Variants in PLCB4 observed in about 807,000 individuals in gnomAD.
PLCB4 encodes the protein phospholipase C beta 4.
A neutral mutation model predicts 178.8 loss-of-function variants in PLCB4; 77 were observed. The ratio of observed to expected loss-of-function variants is 0.43; its 90% CI spans 0.36 to 0.52. The LOEUF (loss-of-function observed/expected upper bound fraction) is 0.52. Ranked by LOEUF, PLCB4 falls within the 20% of genes least tolerant of loss-of-function variation. The probability of loss-of-function intolerance (pLI) is 0.00; values close to 1 mark genes in which losing one functional copy is unlikely to be tolerated. For missense variants in PLCB4, 1,024 were observed against 1,453.4 expected (o/e 0.70, Z 4.80); for synonymous variants, 496 against 490.8 (o/e 1.01, Z -0.14).
chr20:9,372,591 G>A (rs182252766), intron 11 of PLCB4, among the ~76,000 whole-genome samples, 188 bp downstream of exon 11: 21 of 152,088 alleles, frequency 1.4e-4, no homozygotes, highest in African/African-American at 3.4e-4. Flanking sequence ...AAACTTTTAC[G>A]TATATTAATT....
rs149984453 is a variant in PLCB4 at position 9,238,571 on chromosome 20, G to C, written c.-16+21119G>C. ...AAGGCCACCTTTCTGGGTGGCTGCT[G>C]TGTTGACTGATTTTGATACTGCAAT... is the stretch of plus-strand genomic sequence containing the variant. On this transcript the variant is annotated intron_variant, in intron 3 of 39. Coordinates refer to ENST00000378473, the MANE Select transcript of PLCB4 (RefSeq NM_001377142.1). Among the ~76,000 whole-genome samples the C allele has an allele frequency of 3.7e-3, 559 of 152,330 alleles. 3 individuals are homozygous for C. The highest frequency in any genetic ancestry group is 5.8e-3 in the Non-Finnish European group (393 of 68,036).
chr20:9,213,468 A>T (rs1246215478), intron 2 of PLCB4, among the ~76,000 whole-genome samples: 2 of 152,088 alleles, frequency 1.3e-5, no homozygotes, highest in Non-Finnish European at 2.9e-5. Context: ...TTTGAAGTTA[A>T]TTCACGTAGT....
chr20:9,262,501 T>A lies in PLCB4; in HGVS notation c.-16+45049T>A, dbSNP rs536146241. ...TTTCTTTTCACTTGGCATGTAAGGA[T>A]GATGAGACTGGAGGAGTAGGAAGGA... On this transcript the variant is annotated intron_variant, in intron 3 of 39. Transcript: ENST00000378473. Among the ~76,000 whole-genome samples the A allele has an allele frequency of 2.6e-5, 4 of 152,172 alleles. 1 individual carries two copies. In the Middle Eastern group the frequency reaches 0.014, roughly 518 times the overall value.
intron 4 of PLCB4, among the ~76,000 whole-genome samples, chr20:9,327,369 C>T (rs1002345368): frequency 1.4e-4 from 21 of 150,862 alleles, no homozygotes; most frequent in South Asian, 8.3e-4. Context: ...ATTGCTTGAG[C>T]GCAGGAGTTT....
At chr20:9,271,849 A>G (rs954975360) in intron 3 of PLCB4, among the ~76,000 whole-genome samples, 1 of 151,782 alleles carries the variant, frequency 6.6e-6, no homozygotes. Flanking sequence ...TGCTTTTTGG[A>G]TTTTAGAGGG....
chr20:9,194,204 G>A (rs1032945059), intron 2 of PLCB4, among the ~76,000 whole-genome samples: 1 of 152,192 alleles, frequency 6.6e-6, no homozygotes, highest in East Asian at 1.9e-4. Flanking sequence ...ACAAGAATGT[G>A]AAGAGTGTTC....
intron 32 of PLCB4, among the ~76,000 whole-genome samples, chr20:9,450,254 T>G (rs1182723374): frequency 6.6e-6 from 1 of 152,200 alleles, no homozygotes; most frequent in Non-Finnish European, 1.5e-5. Flanking sequence ...AAACCAATAA[T>G]GGACATTTTT....
chr20:9,240,367 C>T (rs2094045069), intron 3 of PLCB4, among the ~76,000 whole-genome samples: 1 of 152,066 alleles, frequency 6.6e-6, no homozygotes, highest in African/African-American at 2.4e-5. Flanking sequence ...GTAGTGTGTT[C>T]TGAGCCCAAT....
intron 1 of PLCB4, among the ~76,000 whole-genome samples, chr20:9,071,223 A>T (rs1221186338): frequency 3.9e-5 from 6 of 152,226 alleles, no homozygotes; most frequent in Non-Finnish European, 8.8e-5. Flanking sequence ...GAGTCCATTC[A>T]GTGCCCGTAG....
At chr20:9,215,095 A>G (rs1237630581) in intron 2 of PLCB4, among the ~76,000 whole-genome samples, 3 of 152,136 alleles carry the variant, frequency 2.0e-5, no homozygotes, top group African/African-American at 7.2e-5. Context: ...AGGAGACATA[A>G]AAGAGTCATA....
chr20:9,196,287 C>T (rs1053484904), intron 2 of PLCB4, among the ~76,000 whole-genome samples: 1 of 152,088 alleles, frequency 6.6e-6, no homozygotes, highest in African/African-American at 2.4e-5. Flanking sequence ...AGTGCCCTGA[C>T]AATGGAATAG....
At chr20:9,276,341 A>G (rs1421778513) in intron 3 of PLCB4, among the ~76,000 whole-genome samples, 1 of 152,060 alleles carries the variant, frequency 6.6e-6, no homozygotes, top group African/African-American at 2.4e-5. Context: ...GGCCATGCCC[A>G]GATGCGATAC....
intron 3 of PLCB4, among the ~76,000 whole-genome samples, chr20:9,307,393 C>T (rs2094780796): frequency 6.6e-6 from 1 of 152,098 alleles, no homozygotes; most frequent in South Asian, 2.1e-4. Context: ...ACCTTCAAGC[C>T]CATAGTGCCC....
intron 2 of PLCB4, among the ~76,000 whole-genome samples, chr20:9,194,571 T>TAGTCCC (rs2093445469): frequency 6.6e-6 from 1 of 151,328 alleles, no homozygotes; most frequent in Non-Finnish European, 1.5e-5. Context: ...CAGGCGCCTG[T>TAGTCCC]AGTCCCAGCT....
At chr20:9,425,571 A>G (rs6140934) in intron 28 of PLCB4, among the ~76,000 whole-genome samples, 2 of 152,250 alleles carry the variant, frequency 1.3e-5, no homozygotes, top group Admixed American at 1.3e-4. Flanking sequence ...AAACATCTGT[A>G]TTTACAATGT....
At chr20:9,187,721 T>C (rs2093348515) in intron 2 of PLCB4, among the ~76,000 whole-genome samples, 1 of 152,206 alleles carries the variant, frequency 6.6e-6, no homozygotes, top group Non-Finnish European at 1.5e-5. Flanking sequence ...ATTTTTCCAC[T>C]GATAGAAACT....
chr20:9,273,688 G>A (rs1326032174), intron 3 of PLCB4, among the ~76,000 whole-genome samples: 1 of 145,422 alleles, frequency 6.9e-6, no homozygotes, highest in Non-Finnish European at 1.6e-5. Flanking sequence ...GTGTGTGTGT[G>A]TGTGTGTGTG....
chr20:9,146,600 G>A (rs766974695), intron 2 of PLCB4, among the ~76,000 whole-genome samples: 1 of 152,134 alleles, frequency 6.6e-6, no homozygotes, highest in Non-Finnish European at 1.5e-5. Flanking sequence ...TTTTTATAAG[G>A]TGTTCTAGGA....
intron 3 of PLCB4, among the ~76,000 whole-genome samples, chr20:9,232,421 G>C (rs1310872444): frequency 6.6e-6 from 1 of 152,076 alleles, no homozygotes; most frequent in Non-Finnish European, 1.5e-5. Context: ...TCTACCTTTA[G>C]TTTAGGGATT....
Sources: allele counts gnomAD v4.1 joint callset (sites outside exome capture counted in the v4.1 genomes callset), GRCh38; gene constraint gnomAD v4.1.1; transcripts MANE v1.5; gene names NCBI Gene and HGNC (gene_info 2026-07-23, HGNC 2026-07-21).